The following DGCR8 variants were observed in gnomAD, a reference collection of about 807,000 sequenced individuals.
The protein encoded by DGCR8 is DGCR8 microprocessor complex subunit.
In DGCR8, 14 loss-of-function variants were observed where a neutral mutation model predicts 78.5. The observed-to-expected ratio is 0.18, with a 90% confidence interval of 0.12 to 0.28. The LOEUF (loss-of-function observed/expected upper bound fraction) is 0.28. DGCR8 is among the 10% of genes least tolerant of loss of function. The pLI is 1.00. For missense variants in DGCR8, 702 were observed against 1,022.5 expected (o/e 0.69, Z 4.28); for synonymous variants, 399 against 402.4 (o/e 0.99, Z 0.10).
At chr22:20,084,884 C>T (rs2049460998) in intron 1 of DGCR8, 1 of 758,966 alleles carries the variant, frequency 1.3e-6, no homozygotes, top group South Asian at 5.9e-5. Context: ...GGTCTCCCCT[C>T]TCAAGTAGGA....
At chr22:20,084,344 G>A (rs1235167709) in intron 1 of DGCR8, among the ~76,000 whole-genome samples, 1 of 152,232 alleles carries the variant, frequency 6.6e-6, no homozygotes, top group Non-Finnish European at 1.5e-5. Context: ...ATGCATGCGT[G>A]TTCCTGTGCA....
chr22:20,109,665 A>G (rs890960956), intron 13 of DGCR8, among the ~76,000 whole-genome samples: 3 of 152,186 alleles, frequency 2.0e-5, no homozygotes, highest in Admixed American at 6.5e-5. Flanking sequence ...GGTGCAGGAC[A>G]TAGTGCTCCT....
intron 9 of DGCR8, chr22:20,102,063 TAGTG>T: frequency 1.0e-6 from 1 of 985,078 alleles, no homozygotes. Flanking sequence ...ATTTAGGTAT[TAGTG>T]ACCAAGTGTT....
intron 7 of DGCR8, among the ~76,000 whole-genome samples, chr22:20,092,238 C>T (rs747189726): frequency 3.9e-5 from 6 of 152,174 alleles, no homozygotes; most frequent in African/African-American, 9.7e-5. Context: ...TCTGATCCTG[C>T]GTTGTCATGG....
chr22:20,106,437 C>T, intron 10 of DGCR8, 155 bp from the exon 11 acceptor site: 1 of 810,448 alleles, frequency 1.2e-6, no homozygotes, highest in South Asian at 1.6e-5. Flanking sequence ...TCCCACAGGC[C>T]TGAATCGGGC....
Position 20,111,342 on chromosome 22 carries a change from C to G in DGCR8, c.*1234C>G. 2.5e-6 allele frequency: 1 copy of G among 397,890 alleles called. No homozygotes were observed. Among genetic ancestry groups the G allele is most frequent in the Non-Finnish European group, 4.4e-6 (1 of 226,248 alleles). The allele number at this position is 397,890 out of a possible 1,614,324, so 24.6% of individuals were successfully genotyped here. On this transcript the variant is annotated 3_prime_UTR_variant, in exon 14 of 14. Transcript: ENST00000351989. ...GCCGTGTCTGTCCCCCACCATGCCC[C>G]CTACAGGCGGTACTGATGGCGCTTT...
In DGCR8 at chr22:20,087,319, A is replaced by T. The variant is rs1415629600; in HGVS notation, c.878A>T (p.Lys293Ile). ...ATGACCAAGATTAAAACAGTGCTCA[A>T]AAGTACGTGTGTGGGTCAGAAGCAG... The part of the protein sequence containing the change: ...PMMTKIKTVL[K>I]SRGRPPTEPL... Residue 293 changes from lysine (K) to isoleucine (I), a missense_variant and splice_region_variant, in exon 3 of 14, where the codon AAA becomes ATA. By Grantham distance (102) the Lys-to-Ile change is moderately radical. This residue lies in a region of DGCR8 where 356 missense variants were observed against 448.9 expected (regional missense o/e 0.79). Coordinates refer to ENST00000351989, the MANE Select transcript of DGCR8 (RefSeq NM_022720.7). This position sits in a 1 kb window ranked among gnomAD's most constrained non-coding sequence, Gnocchi z 4.1. The T allele has an allele frequency of 2.2e-5, 36 of 1,603,706 alleles. No individual in the cohort carries two copies. Among genetic ancestry groups the T allele is most frequent in the Non-Finnish European group, 3.0e-5 (35 of 1,172,228 alleles).
chr22:20,108,860 G>T, intron 12 of DGCR8, 30 bp from the exon 13 acceptor site: 1 of 1,198,712 alleles, frequency 8.3e-7, no homozygotes, highest in Non-Finnish European at 1.2e-6. Context: ...ACAGCCTGCA[G>T]TCCTGAGCGT....
In DGCR8 at chr22:20,092,919, G is replaced by C; in HGVS notation, c.1705+12G>C. ...GAAGAATAAAGCTGGTAACGTGCTT[G>C]CTTGGGTGTCAAAGATACGTGCTGC... On this transcript the variant is annotated intron_variant, in intron 8 of 13. Transcript: ENST00000351989. 2 of 1,608,652 alleles carry C rather than the reference G, an allele frequency of 1.2e-6. No homozygotes were observed. Among genetic ancestry groups the C allele is most frequent in the Non-Finnish European group, 1.7e-6 (2 of 1,175,660 alleles).
intron 9 of DGCR8, among the ~76,000 whole-genome samples, chr22:20,098,521 C>G (rs1044171443): frequency 2.6e-5 from 4 of 152,154 alleles, no homozygotes; most frequent in Non-Finnish European, 5.9e-5. Context: ...ATCACATTAC[C>G]TCACCTCCCT....
chr22:20,090,902 G>A (rs1247321145), intron 5 of DGCR8, among the ~76,000 whole-genome samples: 2 of 152,184 alleles, frequency 1.3e-5, no homozygotes, highest in Admixed American at 6.5e-5. Context: ...TCATAACTCC[G>A]TGGAGTGTGG....
Position 20,090,120 on chromosome 22 carries a change from T to C in DGCR8, c.1168T>C (p.Phe390Leu). 6.2e-7 allele frequency: 1 copy of C among 1,614,168 alleles called. No individual in the cohort carries two copies. Among genetic ancestry groups the C allele is most frequent in the Non-Finnish European group, 8.5e-7 (1 of 1,180,038 alleles). Residue 390 changes from phenylalanine (F) to leucine (L), a missense_variant, in exon 5 of 14, where the codon TTT (phenylalanine) becomes CTT (leucine). Physicochemically the swap from Phe to Leu is conservative, Grantham distance 22. This residue lies in a region of DGCR8 where 119 missense variants were observed against 126.1 expected (regional missense o/e 0.94). Coordinates refer to ENST00000351989, the MANE Select transcript of DGCR8 (RefSeq NM_022720.7). ...KPLSRSAELE[F>L]PLDEPDSMGA... is the part of the protein sequence containing the mutation. ...CCTGAGCCGATCTGCAGAGCTGGAG[T>C]TTCCCCTGGATGAGCCTGACTCTAT...
intron 9 of DGCR8, among the ~76,000 whole-genome samples, chr22:20,095,282 T>A (rs949085778): frequency 4.6e-5 from 7 of 151,904 alleles, no homozygotes; most frequent in African/African-American, 1.7e-4. Context: ...ATTTTTGTAT[T>A]TTTAGTAGAG....
rs1329240116 is a variant in DGCR8, at chr22:20,086,780, A to AC, written c.720+97_720+98insC. The AC allele has an allele frequency of 2.1e-6, 3 of 1,421,646 alleles. No individual in the cohort carries two copies. The highest frequency in any genetic ancestry group is 1.9e-6 in the Non-Finnish European group (2 of 1,066,518). The allele number at this position is 1,421,646 out of a possible 1,614,324, so 88.1% of individuals were successfully genotyped here. ...TTTGAAAGCAGGGAAATTAAAAAAA[A>AC]AAAAAACAAAAACCAAAATCCCCTC... On this transcript the variant is annotated intron_variant, in intron 2 of 13. Coordinates refer to ENST00000351989, the MANE Select transcript of DGCR8 (RefSeq NM_022720.7). This position sits in a 1 kb window ranked among gnomAD's most constrained non-coding sequence, Gnocchi z 6.4.
At chr22:20,094,406 T>A (rs1033603691) in intron 8 of DGCR8, among the ~76,000 whole-genome samples, 3 of 152,210 alleles carry the variant, frequency 2.0e-5, no homozygotes, top group African/African-American at 7.2e-5. Context: ...CAAAGCTGTT[T>A]TCTCACGTGC....
Position 20,085,562 on chromosome 22 carries a change from C to A in DGCR8, c.-277-125C>A. On this transcript the variant is annotated intron_variant, in intron 1 of 13. Transcript: ENST00000351989. The surrounding 1 kb of genome is among the most constrained non-coding windows in gnomAD (Gnocchi z 6.2). ...TAGTTTGTTTTGATGCCTAAAAAGT[C>A]CTCTTAGGGAATATTATTTTGAAGC... 1 of 724,540 alleles carries A rather than the reference C, an allele frequency of 1.4e-6. No homozygotes were observed. The highest frequency in any genetic ancestry group is 1.9e-6 in the Non-Finnish European group (1 of 525,730). The allele number at this position is 724,540 out of a possible 1,614,324, so 44.9% of individuals were successfully genotyped here. A position where few individuals can be genotyped will look rare whatever the true frequency, so the allele number is the denominator to read the frequency against.
Position 20,080,300 on chromosome 22 carries a change from C to G in DGCR8, c.-361C>G. On this transcript the variant is annotated 5_prime_UTR_variant, in exon 1 of 14. Coordinates refer to ENST00000351989, the MANE Select transcript of DGCR8 (RefSeq NM_022720.7). ...GACCGGAGAGCCTGGACAGGCTTTCCAGATGGCTGCGGCGGTCGGTCGGTG... is the reference window on the plus strand; with the variant it reads ...GACCGGAGAGCCTGGACAGGCTTTCGAGATGGCTGCGGCGGTCGGTCGGTG... 1.0e-6 allele frequency: 1 copy of G among 981,094 alleles called. No individual in the cohort carries two copies. Among genetic ancestry groups the G allele is most frequent in the Non-Finnish European group, 1.2e-6 (1 of 828,222 alleles). 60.8% of individuals were successfully genotyped at this position (981,094 alleles called of 1,614,324 possible).
rs2049475654 is a variant in DGCR8 at position 20,085,908 on chromosome 22, T to C, written c.-56T>C. 9 of 1,468,378 alleles carry C rather than the reference T, an allele frequency of 6.1e-6. No homozygotes were observed. In the Admixed American group the frequency reaches 9.2e-5, roughly 15 times the overall value. The allele number at this position is 1,468,378 out of a possible 1,614,324, so 91.0% of individuals were successfully genotyped here. A position where few individuals can be genotyped will look rare whatever the true frequency, so the allele number is the denominator to read the frequency against. ...ACTTGTGCATGTTAGCTGTGTAGATTTATGTGAGGGCTTGTAAAACTCTGG... is the reference window on the plus strand; with the variant it reads ...ACTTGTGCATGTTAGCTGTGTAGATCTATGTGAGGGCTTGTAAAACTCTGG... On this transcript the variant is annotated 5_prime_UTR_variant, in exon 2 of 14. Transcript: ENST00000351989. This position sits in a 1 kb window ranked among gnomAD's most constrained non-coding sequence, Gnocchi z 6.2.
At chr22:20,105,473 CTT>C (rs889023821) in intron 9 of DGCR8, among the ~76,000 whole-genome samples, 39 of 152,314 alleles carry the variant, frequency 2.6e-4, no homozygotes, top group African/African-American at 9.4e-4. Context: ...GCACTCTCAG[CTT>C]CAGCCAAAGT....
Sources: gnomAD v4.1 joint callset for allele counts (sites outside exome capture counted in the v4.1 genomes callset) on GRCh38, gnomAD v4.1.1 for gene constraint, gnomAD v4.1.1 regional missense constraint, Gnocchi (gnomAD v3.1) non-coding constraint, MANE v1.5 for transcripts, NCBI Gene and HGNC (gene_info 2026-07-23, HGNC 2026-07-21) for gene names.